PGLYRP4: variants seen among roughly 807,000 people sequenced by gnomAD.
PGLYRP4 encodes PGRP-I-beta.
PGLYRP4 carries 39 observed loss-of-function variants against 41.2 expected under a neutral mutation model. That is an observed-to-expected ratio of 0.95 (90% CI 0.73 to 1.24). The LOEUF (loss-of-function observed/expected upper bound fraction) is 1.24, where lower values mean the gene tolerates loss of function less well. Among genes scored for constraint, PGLYRP4 ranks in the 50% most tolerant of loss-of-function variants. The pLI, the probability that PGLYRP4 is intolerant of heterozygous loss-of-function variation, is 0.00. For synonymous variants in PGLYRP4, 202 were observed against 186.8 expected (o/e 1.08, Z -0.66); for missense variants, 467 against 460.7 (o/e 1.01, Z -0.13).
chr1:153,348,567 C>G lies in PGLYRP4; in HGVS notation c.-86G>C, dbSNP rs901643543. ...CCTGTGCTGTCCCAGCCCAGCAGGTCAGGGTGCAGTCAGCTTGCCCCTGAT... is the reference window on the plus strand; with the variant it reads ...CCTGTGCTGTCCCAGCCCAGCAGGTGAGGGTGCAGTCAGCTTGCCCCTGAT... On this transcript the variant is annotated 5_prime_UTR_variant, in exon 1 of 9. Transcript: ENST00000359650. 4 of 152,466 alleles carry G rather than the reference C, an allele frequency of 2.6e-5. No individual in the cohort carries two copies. Among genetic ancestry groups the G allele is most frequent in the African/African-American group, 9.6e-5 (4 of 41,476 alleles). The allele number at this position is 152,466 out of a possible 1,614,324, so 9.4% of individuals were successfully genotyped here. A position where few individuals can be genotyped will look rare whatever the true frequency, so the allele number is the denominator to read the frequency against.
At chr1:153,341,204 C>T (rs182916879) in intron 6 of PGLYRP4, among the ~76,000 whole-genome samples, 3 of 152,308 alleles carry the variant, frequency 2.0e-5, no homozygotes, top group South Asian at 4.1e-4. Flanking sequence ...TGTTTCCTCC[C>T]TTGCACTTTT....
In PGLYRP4 at chr1:153,345,254, G is replaced by GTAT; in HGVS notation, c.267_268insATA (p.Cys89_His90insIle). ...CTCTGGCTGCAGACTGTCTGGTCGTGACACTCCAGTCCAGGGACATGGTGT... is the reference window on the plus strand; with the variant it reads ...CTCTGGCTGCAGACTGTCTGGTCGTGTATACACTCCAGTCCAGGGACATGGTGT... On this transcript the variant is annotated inframe_insertion, in exon 4 of 9. Transcript: ENST00000359650. The GTAT allele has an allele frequency of 6.2e-7, 1 of 1,614,158 alleles. No homozygotes were observed. Among genetic ancestry groups the GTAT allele is most frequent in the Non-Finnish European group, 8.5e-7 (1 of 1,180,014 alleles).
At chr1:153,342,379 G>A (rs1017399316) in intron 5 of PGLYRP4, among the ~76,000 whole-genome samples, 1 of 152,208 alleles carries the variant, frequency 6.6e-6, no homozygotes, top group Admixed American at 6.5e-5. Context: ...TTCTAGCTGT[G>A]TCACTTGGGG....
At chr1:153,335,985 C>T (rs946639663) in intron 8 of PGLYRP4, among the ~76,000 whole-genome samples, 11 of 151,944 alleles carry the variant, frequency 7.2e-5, no homozygotes, top group Non-Finnish European at 1.0e-4. Context: ...ATAGCAAAGG[C>T]GTTGAATCAC....
intron 4 of PGLYRP4, among the ~76,000 whole-genome samples, chr1:153,343,834 T>G (rs1171349021): frequency 6.6e-6 from 1 of 151,978 alleles, no homozygotes; most frequent in African/African-American, 2.4e-5. Context: ...GAGCAGACAG[T>G]AAAACACAGA....
At chr1:153,345,103 G>A in intron 4 of PGLYRP4, 66 bp downstream of exon 4, 13 of 1,211,994 alleles carry the variant, frequency 1.1e-5, no homozygotes, top group Non-Finnish European at 1.4e-5. Flanking sequence ...GATGAGAAGG[G>A]ACAGGAGAAG....
At position 153,347,853 on chromosome 1, in the gene PGLYRP4, T is replaced by C. The variant is rs767469616; in HGVS notation, c.49+31A>G. 22 of 1,521,022 alleles carry C rather than the reference T, an allele frequency of 1.4e-5. No individual in the cohort carries two copies. The Admixed American group carries it at 3.7e-4, about 26-fold the overall frequency. 94.2% of individuals were successfully genotyped at this position (1,521,022 alleles called of 1,614,324 possible). A position where few individuals can be genotyped will look rare whatever the true frequency, so the allele number is the denominator to read the frequency against. On this transcript the variant is annotated intron_variant, in intron 2 of 8. Coordinates refer to ENST00000359650, the MANE Select transcript of PGLYRP4 (RefSeq NM_020393.4). ...GAGACTTTAGGATCACCCTTCTCGG[T>C]TGCTTTTTGGCCCAGGGAAAGAAAA...
intron 8 of PGLYRP4, among the ~76,000 whole-genome samples, chr1:153,334,931 T>C (rs3014857): frequency 2.6e-5 from 4 of 152,106 alleles, no homozygotes; most frequent in African/African-American, 9.7e-5. Context: ...TTTGACAAAG[T>C]TGACGAAAAC....
Position 153,345,300 on chromosome 1 carries a change from C to T in PGLYRP4, c.222G>A (p.Thr74=), listed in dbSNP as rs576677136. ...GGTGTATAACAAGGACATTCACTGG[C>T]GTGGTCAGCTGAATACTGCAGCCAA... is the stretch of plus-strand genomic sequence containing the variant. ...EAVGCSIQLT[T]PVNVLVIHHV... Residue 74 remains threonine (T), a synonymous_variant, in exon 4 of 9, where the codon ACG becomes ACA. Transcript: ENST00000359650. The T allele has an allele frequency of 1.9e-5, 30 of 1,614,132 alleles. No homozygotes were observed. The highest frequency in any genetic ancestry group is 1.6e-4 in the Middle Eastern group (1 of 6,062).
rs1660607889 is a variant in PGLYRP4, at chr1:153,337,288, C to T, written c.836G>A (p.Gly279Asp). The T allele has an allele frequency of 1.2e-6, 2 of 1,605,412 alleles. No individual in the cohort carries two copies. The highest frequency in any genetic ancestry group is 1.7e-6 in the Non-Finnish European group (2 of 1,175,738). Residue 279 changes from glycine to aspartate, a missense_variant, in exon 8 of 9, where the codon GGC becomes GAC. By Grantham distance (94) the Gly-to-Asp change is moderately conservative. Transcript: ENST00000359650. ...SCDIGYNFLV[G>D]QDGAIYEGVG... ...CCCTTCATAAATGGCGCCATCCTGG[C>T]CCACCAGGAAGCTAGAGGACCACAA...
intron 1 of PGLYRP4, 60 bp from the exon 2 acceptor site, chr1:153,348,038 C>T (rs1337690068): frequency 2.2e-6 from 2 of 925,170 alleles, no homozygotes; most frequent in East Asian, 2.7e-5. Flanking sequence ...GCATCCCAAA[C>T]CCTGACTGCA....
chr1:153,335,412 T>G (rs1660513201), intron 8 of PGLYRP4, among the ~76,000 whole-genome samples: 1 of 152,128 alleles, frequency 6.6e-6, no homozygotes, highest in Admixed American at 6.6e-5. Context: ...AAAGAAGACA[T>G]GCTAGCAGCC....
intron 8 of PGLYRP4, among the ~76,000 whole-genome samples, chr1:153,335,703 G>A (rs1167341201): frequency 2.0e-5 from 3 of 147,518 alleles, no homozygotes; most frequent in African/African-American, 5.1e-5. Context: ...CCAGCCTGGC[G>A]ACAGAGCAAG....
Position 153,340,560 on chromosome 1 carries a change from T to C in PGLYRP4, c.645A>G (p.Pro215=). Reference sequence around the variant, plus strand: ...TCTCCCTGGCTCCCCACACAGACCGTGGGACAACGCCGGGGCAAGCTGAGG... The same window carrying C: ...TCTCCCTGGCTCCCCACACAGACCGCGGGACAACGCCGGGGCAAGCTGAGG... ...SLKKACPGVV[P]RSVWGARETH... is the part of the protein sequence containing the mutation. Residue 215 remains proline, a synonymous_variant, in exon 7 of 9, where the codon CCA becomes CCG. Transcript: ENST00000359650. The C allele has an allele frequency of 6.2e-7, 1 of 1,613,942 alleles. No homozygotes were observed. Among genetic ancestry groups the C allele is most frequent in the Non-Finnish European group, 8.5e-7 (1 of 1,179,978 alleles).
In PGLYRP4 at chr1:153,346,133, T is replaced by A. The variant is rs769147710; in HGVS notation, c.108A>T (p.Leu36=). Residue 36 remains leucine, a synonymous_variant, in exon 3 of 9, where the codon CTA becomes CTT. Coordinates refer to ENST00000359650, the MANE Select transcript of PGLYRP4 (RefSeq NM_020393.4). ...AKQVSEGLQY[L]FENISQLTEK... ...CAGTGAGCTGGGAGATGTTCTCAAA[T>A]AGGTACTGGAGCCCCTCTGATACCT... 5 of 1,613,828 alleles carry A rather than the reference T, an allele frequency of 3.1e-6. No homozygotes were observed. In the East Asian group the frequency reaches 1.1e-4, roughly 36 times the overall value.
chr1:153,345,340 CA>C lies in PGLYRP4; in HGVS notation c.181del (p.Trp61GlyfsTer12). 2 of 1,614,186 alleles carry C rather than the reference CA, an allele frequency of 1.2e-6. No individual in the cohort carries two copies. Among genetic ancestry groups the C allele is most frequent in the Non-Finnish European group, 1.7e-6 (2 of 1,180,018 alleles). On this transcript the variant is annotated frameshift_variant, in exon 4 of 9. Transcript: ENST00000359650. LOFTEE classifies it high-confidence loss of function. ...DVSTTVSRKA[W>X]GAEAVGCSIQ... Reference sequence around the variant, plus strand: ...ACTGCAGCCAACAGCTTCTGCCCCCCATGCCTTGCGAGAGACCGTGGTGGAG... The same window carrying C: ...ACTGCAGCCAACAGCTTCTGCCCCCCTGCCTTGCGAGAGACCGTGGTGGAG...
intron 8 of PGLYRP4, among the ~76,000 whole-genome samples, chr1:153,335,769 T>A (rs1036241035): frequency 1.4e-4 from 20 of 145,828 alleles, no homozygotes; most frequent in African/African-American, 5.1e-4. Flanking sequence ...AAATAACAGA[T>A]GTTGCTGAGG....
intron 7 of PGLYRP4, among the ~76,000 whole-genome samples, chr1:153,338,947 C>T (rs1660683491): frequency 6.6e-6 from 1 of 152,254 alleles, no homozygotes; most frequent in African/African-American, 2.4e-5. Flanking sequence ...ATCTGTGAGG[C>T]ACATCCGATG....
chr1:153,336,386 A>C lies in PGLYRP4; in HGVS notation c.943+795T>G, dbSNP rs1426577908. Among the ~76,000 whole-genome samples, 10 of 151,168 alleles carry C rather than the reference A, an allele frequency of 6.6e-5. No homozygotes were observed. The East Asian group carries it at 1.7e-3, about 26-fold the overall frequency. ...CTCCATCTCAAAAAAAAAAAAAAAA[A>C]AAAAAACAAAGAAAGAAAAGAAAAG... On this transcript the variant is annotated intron_variant, in intron 8 of 8. Transcript: ENST00000359650.
Sources: allele counts gnomAD v4.1 joint callset (sites outside exome capture counted in the v4.1 genomes callset), GRCh38; gene constraint gnomAD v4.1.1; transcripts MANE v1.5; gene names NCBI Gene and HGNC (gene_info 2026-07-23, HGNC 2026-07-21).